Variants in EHMT1 observed in about 807,000 individuals in gnomAD.
EHMT1 encodes the protein euchromatic histone lysine methyltransferase 1, also known as histone-lysine N-methyltransferase EHMT1.
A neutral mutation model predicts 147.2 loss-of-function variants in EHMT1; 15 were observed. That is an observed-to-expected ratio of 0.10 (90% CI 0.07 to 0.16). The LOEUF (loss-of-function observed/expected upper bound fraction) is 0.16, where lower values mean the gene tolerates loss of function less well. EHMT1 is among the 10% of genes least tolerant of loss of function. EHMT1 has a pLI of 1.00. For missense variants in EHMT1, 1,587 were observed against 1,772.4 expected, an observed-to-expected ratio of 0.90 and a Z score of 1.88; for synonymous variants, 795 against 709.6, an observed-to-expected ratio of 1.12 and a Z score of -1.91.
At chr9:137,627,597 T>G (rs1843347694) in intron 1 of EHMT1, among the ~76,000 whole-genome samples, 1 of 152,174 alleles carries the variant, frequency 6.6e-6, no homozygotes, top group Non-Finnish European at 1.5e-5. Flanking sequence ...AATGCTGGGA[T>G]GACAGGCGTG....
At chr9:137,694,774 C>T (rs924465401) in intron 1 of EHMT1, among the ~76,000 whole-genome samples, 5 of 152,158 alleles carry the variant, frequency 3.3e-5, no homozygotes, top group Admixed American at 6.5e-5. Context: ...CGCGAGGCCT[C>T]GGGGTGCCCT....
At chr9:137,634,648 A>G (rs183701594) in intron 1 of EHMT1, among the ~76,000 whole-genome samples, 71 of 123,480 alleles carry the variant, frequency 5.7e-4, no homozygotes, top group Non-Finnish European at 9.7e-4. Flanking sequence ...TTTTTTCAAG[A>G]TTGGGTCCCT....
intron 1 of EHMT1, among the ~76,000 whole-genome samples, chr9:137,620,670 G>A (rs1474986330): frequency 6.6e-6 from 1 of 152,226 alleles, no homozygotes; most frequent in African/African-American, 2.4e-5. Flanking sequence ...TAGGATTACA[G>A]ACATGAGCCA....
chr9:137,630,806 A>C (rs934829051), intron 1 of EHMT1, among the ~76,000 whole-genome samples: 1 of 152,128 alleles, frequency 6.6e-6, no homozygotes, highest in Non-Finnish European at 1.5e-5. Flanking sequence ...TGGAATTACA[A>C]GGTCAGAAGG....
chr9:137,704,757 C>T (rs1944107847), intron 1 of EHMT1, among the ~76,000 whole-genome samples: 1 of 151,964 alleles, frequency 6.6e-6, no homozygotes, highest in Non-Finnish European at 1.5e-5. Flanking sequence ...GGGAATTTCC[C>T]TTCCTCCTGC....
At chr9:137,740,402 C>A (rs746443646) in intron 4 of EHMT1, among the ~76,000 whole-genome samples, 3 of 151,916 alleles carry the variant, frequency 2.0e-5, no homozygotes, top group Non-Finnish European at 2.9e-5. Flanking sequence ...TTCTTTGAGG[C>A]CTGGACTGCA....
intron 1 of EHMT1, among the ~76,000 whole-genome samples, chr9:137,645,564 C>G (rs1275535202): frequency 6.6e-6 from 1 of 152,160 alleles, no homozygotes. Context: ...AAGAGATAAA[C>G]AGGGTGTGAT....
At chr9:137,789,628 C>T (rs1952350422) in intron 15 of EHMT1, among the ~76,000 whole-genome samples, 2 of 152,216 alleles carry the variant, frequency 1.3e-5, no homozygotes, top group African/African-American at 2.4e-5. Flanking sequence ...GACCTCTGAC[C>T]CTTGGTCTGT....
intron 7 of EHMT1, among the ~76,000 whole-genome samples, chr9:137,753,758 C>G (rs55950584): frequency 2.0e-5 from 3 of 152,184 alleles, no homozygotes; most frequent in African/African-American, 7.2e-5. Context: ...TGTCCTTGTT[C>G]TCTGTGTAGA....
At chr9:137,713,623 C>T (rs534582417) in intron 2 of EHMT1, among the ~76,000 whole-genome samples, 1 of 151,056 alleles carries the variant, frequency 6.6e-6, no homozygotes, top group Admixed American at 6.6e-5. Flanking sequence ...TTTAAAAATT[C>T]TTTTTCATTT....
rs147570899 is a variant in EHMT1 at position 137,628,219 on chromosome 9, CTTTA to C, written c.21+9175_21+9178del. Among the ~76,000 whole-genome samples, 1,284 of 152,270 alleles carry C rather than the reference CTTTA, an allele frequency of 8.4e-3. 11 individuals are homozygous for C. Among genetic ancestry groups the C allele is most frequent in the Non-Finnish European group, 0.012 (830 of 68,036 alleles). ...TCTGCCAGCTGCTCAGCTGCAACTC[CTTTA>C]TTTAAGTTTCTCCTTCCTCTACTCT... is the stretch of plus-strand genomic sequence containing the variant. On this transcript the variant is annotated intron_variant, in intron 1 of 26. Coordinates refer to ENST00000460843, the MANE Select transcript of EHMT1 (RefSeq NM_024757.5).
intron 18 of EHMT1, among the ~76,000 whole-genome samples, chr9:137,808,485 T>C (rs2137579902): frequency 6.6e-6 from 1 of 152,104 alleles, no homozygotes; most frequent in East Asian, 1.9e-4. Context: ...TTCTGGTTCT[T>C]TTAGGTGGGA....
At chr9:137,683,803 A>G (rs1183633616) in intron 1 of EHMT1, among the ~76,000 whole-genome samples, 1 of 152,172 alleles carries the variant, frequency 6.6e-6, no homozygotes, top group South Asian at 2.1e-4. Flanking sequence ...TAAAAAAATT[A>G]TACAATGACA....
At chr9:137,708,641 A>G (rs1016233001) in intron 1 of EHMT1, among the ~76,000 whole-genome samples, 6 of 152,358 alleles carry the variant, frequency 3.9e-5, no homozygotes, top group Non-Finnish European at 7.3e-5. Flanking sequence ...ACACATTTAC[A>G]TGTGTTTCGA....
chr9:137,776,609 C>G lies in EHMT1; in HGVS notation c.1792-9C>G. 1 of 1,613,878 alleles carries G rather than the reference C, an allele frequency of 6.2e-7. No homozygotes were observed. Among genetic ancestry groups the G allele is most frequent in the Non-Finnish European group, 8.5e-7 (1 of 1,179,956 alleles). ...AAACAAAAATTTTTTTTTGTCCTCC[C>G]ATTTTTAGGGTAATTTTATGGAGTG... On this transcript the variant is annotated splice_polypyrimidine_tract_variant and intron_variant, in intron 11 of 26. Coordinates refer to ENST00000460843, the MANE Select transcript of EHMT1 (RefSeq NM_024757.5). This position sits in a 1 kb window ranked among gnomAD's most constrained non-coding sequence, Gnocchi z 4.4.
chr9:137,777,813 G>A lies in EHMT1; in HGVS notation c.2019-69G>A. 1.9e-6 allele frequency: 3 copies of A among 1,597,716 alleles called. No homozygotes were observed. In the East Asian group the frequency reaches 6.7e-5, roughly 36 times the overall value. On this transcript the variant is annotated intron_variant, in intron 12 of 26. Transcript: ENST00000460843. Reference sequence around the variant, plus strand: ...TCTCACTTAGAAAACAGCGCTCTCGGGCAGTCAGAGTCGGAACAGGCCATG... The same window carrying A: ...TCTCACTTAGAAAACAGCGCTCTCGAGCAGTCAGAGTCGGAACAGGCCATG...
At chr9:137,727,173 G>A (rs1946712523) in intron 3 of EHMT1, among the ~76,000 whole-genome samples, 1 of 152,040 alleles carries the variant, frequency 6.6e-6, no homozygotes, top group Non-Finnish European at 1.5e-5. Context: ...GTAGAGACAG[G>A]GTCTTGCTAT....
intron 16 of EHMT1, among the ~76,000 whole-genome samples, 186 bp from the exon 17 acceptor site, chr9:137,798,626 AG>A (rs1779920178): frequency 6.6e-6 from 1 of 152,212 alleles, no homozygotes; most frequent in Admixed American, 6.5e-5. Context: ...ATGGGGCCAC[AG>A]GGGGCTGCAC....
At chr9:137,626,392 G>A (rs768296082) in intron 1 of EHMT1, among the ~76,000 whole-genome samples, 1 of 151,902 alleles carries the variant, frequency 6.6e-6, no homozygotes, top group Non-Finnish European at 1.5e-5. Flanking sequence ...ACCAGCTGGT[G>A]CGTGCCTGAA....
Sources: gnomAD v4.1 joint callset for allele counts (sites outside exome capture counted in the v4.1 genomes callset) on GRCh38, gnomAD v4.1.1 for gene constraint, Gnocchi (gnomAD v3.1) non-coding constraint, MANE v1.5 for transcripts, NCBI Gene and HGNC (gene_info 2026-07-23, HGNC 2026-07-21) for gene names.